TMEM131: variants seen among roughly 807,000 people sequenced by gnomAD.
TMEM131 encodes the protein transmembrane protein 131.
TMEM131 carries 66 observed loss-of-function variants against 211.6 expected under a neutral mutation model. That is an observed-to-expected ratio of 0.31 (90% CI 0.26 to 0.38). The LOEUF (loss-of-function observed/expected upper bound fraction) is 0.38, where lower values mean the gene tolerates loss of function less well. Among genes scored for constraint, TMEM131 ranks in the 10% least tolerant of loss-of-function variants. TMEM131 has a pLI of 1.00. For missense variants in TMEM131, 2,036 were observed against 2,299.3 expected, an observed-to-expected ratio of 0.89 and a Z score of 2.34; for synonymous variants, 844 against 841.3, an observed-to-expected ratio of 1.00 and a Z score of -0.06.
intron 1 of TMEM131, among the ~76,000 whole-genome samples, chr2:97,977,469 C>A (rs1679592498): frequency 6.6e-6 from 1 of 152,122 alleles, no homozygotes; most frequent in Admixed American, 6.5e-5. Flanking sequence ...TGCAGGAATG[C>A]CTCAGAGATA....
intron 28 of TMEM131, 62 bp downstream of exon 28, chr2:97,796,154 CAT>C: frequency 1.0e-6 from 1 of 964,600 alleles, no homozygotes. Context: ...AATATGAAAA[CAT>C]ATCTTTGCAC....
chr2:97,955,906 C>T (rs1678546116), intron 1 of TMEM131, among the ~76,000 whole-genome samples: 1 of 152,076 alleles, frequency 6.6e-6, no homozygotes, highest in Non-Finnish European at 1.5e-5. Context: ...TGTCAATTCT[C>T]CCCAAATTAA....
intron 1 of TMEM131, among the ~76,000 whole-genome samples, chr2:97,987,163 C>T (rs773372984): frequency 6.6e-6 from 1 of 152,210 alleles, no homozygotes; most frequent in East Asian, 1.9e-4. Flanking sequence ...AAAAAATCAG[C>T]TTTCAAGAAC....
chr2:97,805,062 AAAAT>A (rs1467664371), intron 22 of TMEM131, 22 bp downstream of exon 22: 5 of 1,467,612 alleles, frequency 3.4e-6, no homozygotes, highest in East Asian at 2.3e-5. Context: ...AAAGATGGCT[AAAAT>A]AAATAAACAT....
chr2:97,843,005 TCTGA>T (rs1336414911), intron 6 of TMEM131, among the ~76,000 whole-genome samples: 1 of 151,352 alleles, frequency 6.6e-6, no homozygotes, highest in Admixed American at 6.6e-5. Context: ...GAACACTGAC[TCTGA>T]CTGACCCTTA....
chr2:97,818,798 G>C, intron 11 of TMEM131, 77 bp from the exon 12 acceptor site: 1 of 967,724 alleles, frequency 1.0e-6, no homozygotes, highest in Non-Finnish European at 1.5e-6. Flanking sequence ...ATACTGGAAA[G>C]TATACTGGAA....
At chr2:97,811,266 C>CT (rs1681537543) in intron 17 of TMEM131, 34 bp from the exon 18 acceptor site, 1 of 1,532,726 alleles carries the variant, frequency 6.5e-7, no homozygotes, top group African/African-American at 1.4e-5. Context: ...ATTCATTAGC[C>CT]TTGTTAGTTG....
chr2:97,942,980 G>A (rs1677817153), intron 1 of TMEM131, among the ~76,000 whole-genome samples: 1 of 33,564 alleles, frequency 3.0e-5, no homozygotes, highest in African/African-American at 1.8e-4. Context: ...AAGAAAGAAA[G>A]AAAGAAAAGA....
chr2:97,877,354 A>G (rs1184073747), intron 4 of TMEM131, among the ~76,000 whole-genome samples: 2 of 152,236 alleles, frequency 1.3e-5, no homozygotes, highest in Non-Finnish European at 2.9e-5. Context: ...GGAAAAAACT[A>G]CTTTAAACTT....
chr2:97,921,653 C>T (rs1033239142), intron 2 of TMEM131, among the ~76,000 whole-genome samples: 3 of 152,046 alleles, frequency 2.0e-5, no homozygotes, highest in African/African-American at 4.8e-5. Context: ...TGTGAGGTTA[C>T]GGCTCCAGGA....
chr2:97,870,256 G>A (rs1486752126), intron 4 of TMEM131, among the ~76,000 whole-genome samples: 1 of 152,174 alleles, frequency 6.6e-6, no homozygotes, highest in South Asian at 2.1e-4. Flanking sequence ...TTGGGAGAAT[G>A]TATGTACAGG....
At chr2:97,759,883 AG>A in intron 38 of TMEM131, 134 bp from the exon 39 acceptor site, 1 of 679,594 alleles carries the variant, frequency 1.5e-6, no homozygotes, top group Non-Finnish European at 2.6e-6. Flanking sequence ...AACAGACAAA[AG>A]GAAGAGCTGA....
chr2:97,884,467 C>T (rs1372633624), intron 4 of TMEM131, among the ~76,000 whole-genome samples: 4 of 152,120 alleles, frequency 2.6e-5, no homozygotes, highest in African/African-American at 9.7e-5. Context: ...AAATCCAATG[C>T]TTCTTTGTTG....
Position 97,795,066 on chromosome 2 carries a change from T to C in TMEM131, c.3250A>G (p.Ile1084Val), listed in dbSNP as rs1316392482. The C allele has an allele frequency of 1.2e-6, 2 of 1,613,948 alleles. No individual in the cohort carries two copies. Among genetic ancestry groups the C allele is most frequent in the African/African-American group, 1.3e-5 (1 of 75,064 alleles). Residue 1084 changes from isoleucine (I) to valine (V), a missense_variant, in exon 29 of 41, where the codon ATA becomes GTA. Transcript: ENST00000186436. ...ACAAACTCAGAGCCACTGGTTGTTA[T>C]AAACTTCAGTTCCCGAATAACTCTA... ...ASRVIRELKF[I>V]TTSGSEFVFI...
At position 97,815,315 on chromosome 2, in the gene TMEM131, G is replaced by T. The variant is rs756235692; in HGVS notation, c.1184-8C>A. 1 of 1,520,846 alleles carries T rather than the reference G, an allele frequency of 6.6e-7. No individual in the cohort carries two copies. The allele number at this position is 1,520,846 out of a possible 1,614,324, so 94.2% of individuals were successfully genotyped here. A position where few individuals can be genotyped will look rare whatever the true frequency, so the allele number is the denominator to read the frequency against. On this transcript the variant is annotated splice_polypyrimidine_tract_variant and splice_region_variant and intron_variant, in intron 12 of 40. Coordinates refer to ENST00000186436, the MANE Select transcript of TMEM131 (RefSeq NM_015348.2). The stretch of plus-strand genomic sequence containing the variant: ...GCTTTTTTGCCTTCGATGCTGAAAG[G>T]AAGCATAAAAAATAATCTCTGTTAC...
chr2:97,861,754 G>C (rs1055080709), intron 4 of TMEM131, among the ~76,000 whole-genome samples: 1 of 152,118 alleles, frequency 6.6e-6, no homozygotes, highest in Non-Finnish European at 1.5e-5. Context: ...TCCCTGGTCT[G>C]GACTGGTCTG....
Position 97,995,835 on chromosome 2 carries a change from C to T in TMEM131, c.-173G>A. ...GCCTGGGTCCGTGCGTGCGTGTGAG[C>T]GAGAGTGTCAGTCACGGTCTTTGCC... On this transcript the variant is annotated 5_prime_UTR_variant, in exon 1 of 41. Transcript: ENST00000186436. The T allele has an allele frequency of 3.3e-6, 1 of 306,416 alleles. No individual in the cohort carries two copies. Among genetic ancestry groups the T allele is most frequent in the Non-Finnish European group, 5.6e-6 (1 of 180,098 alleles). 19.0% of individuals were successfully genotyped at this position (306,416 alleles called of 1,614,324 possible). A position where few individuals can be genotyped will look rare whatever the true frequency, so the allele number is the denominator to read the frequency against.
At chr2:97,815,084 A>AT (rs1681755461) in intron 13 of TMEM131, 115 bp downstream of exon 13, 1 of 523,008 alleles carries the variant, frequency 1.9e-6, no homozygotes, top group Non-Finnish European at 3.1e-6. Context: ...CTTTCAAAAA[A>AT]TAATTCCATC....
At chr2:97,985,771 T>G (rs1258318976) in intron 1 of TMEM131, among the ~76,000 whole-genome samples, 1 of 152,036 alleles carries the variant, frequency 6.6e-6, no homozygotes, top group Non-Finnish European at 1.5e-5. Context: ...TGTATATAAT[T>G]CAATAAGTGG....
Sources: allele counts gnomAD v4.1 joint callset (sites outside exome capture counted in the v4.1 genomes callset), GRCh38; gene constraint gnomAD v4.1.1; transcripts MANE v1.5; gene names NCBI Gene and HGNC (gene_info 2026-07-23, HGNC 2026-07-21).